EED: variants seen among roughly 807,000 people sequenced by gnomAD.
The protein encoded by EED is embryonic ectoderm development, also known as polycomb protein EED.
A neutral mutation model predicts 61.0 loss-of-function variants in EED; 9 were observed. The ratio of observed to expected loss-of-function variants is 0.15; its 90% CI spans 0.09 to 0.26. EED has a LOEUF of 0.26. Ranked by LOEUF, EED falls within the 10% of genes least tolerant of loss-of-function variation. The pLI, the probability that EED is intolerant of heterozygous loss-of-function variation, is 1.00. For missense variants in EED, 315 were observed against 542.3 expected, an observed-to-expected ratio of 0.58 and a Z score of 4.16; for synonymous variants, 187 against 174.4, an observed-to-expected ratio of 1.07 and a Z score of -0.57.
intron 6 of EED, among the ~76,000 whole-genome samples, chr11:86,262,710 C>T (rs1945864848): frequency 6.6e-6 from 1 of 151,756 alleles, no homozygotes; most frequent in African/African-American, 2.4e-5. Flanking sequence ...GGAGTTTCAC[C>T]ATGTTGCCCA....
chr11:86,246,046 G>A (rs988606256), intron 1 of EED, among the ~76,000 whole-genome samples: 2 of 152,232 alleles, frequency 1.3e-5, no homozygotes, highest in Non-Finnish European at 2.9e-5. Context: ...GGGCAACAGT[G>A]GTATAGGCAG....
chr11:86,274,047 C>G (rs1471589081), intron 9 of EED, among the ~76,000 whole-genome samples: 1 of 150,900 alleles, frequency 6.6e-6, no homozygotes, highest in East Asian at 1.9e-4. Flanking sequence ...CATTTTGGGA[C>G]TCTGATTATA....
At chr11:86,254,072 A>G (rs1403807514) in intron 3 of EED, among the ~76,000 whole-genome samples, 3 of 150,116 alleles carry the variant, frequency 2.0e-5, no homozygotes, top group East Asian at 1.9e-4. Flanking sequence ...AAAAAAAAAA[A>G]AAAGAAAATG....
At chr11:86,266,028 G>A (rs1593754292) in intron 7 of EED, 55 bp from the exon 8 acceptor site, 2 of 1,478,336 alleles carry the variant, frequency 1.4e-6, no homozygotes, top group Non-Finnish European at 1.8e-6. Context: ...GCAAAAATTG[G>A]ATAAATATAA....
intron 8 of EED, 149 bp from the exon 9 acceptor site, chr11:86,268,307 T>C (rs1348967594): frequency 9.9e-6 from 5 of 503,086 alleles, no homozygotes; most frequent in African/African-American, 4.0e-5. Flanking sequence ...TTTCAATAAA[T>C]AGATAAGGTG....
intron 9 of EED, chr11:86,276,112 A>C (rs192026519): frequency 6.6e-6 from 1 of 152,140 alleles, no homozygotes; most frequent in African/African-American, 2.4e-5. Context: ...TTTCCTGTGC[A>C]TTATAAGATA....
At chr11:86,253,937 A>G (rs1281690884) in intron 3 of EED, among the ~76,000 whole-genome samples, 3 of 150,390 alleles carry the variant, frequency 2.0e-5, no homozygotes, top group Non-Finnish European at 3.0e-5. Flanking sequence ...AATCTCAGCT[A>G]CACGGGAGGC....
At chr11:86,255,670 C>T (rs925156095) in intron 4 of EED, among the ~76,000 whole-genome samples, 4 of 151,560 alleles carry the variant, frequency 2.6e-5, no homozygotes, top group African/African-American at 9.7e-5. Context: ...ATGAACTTGG[C>T]TTGTGACTGG....
intron 7 of EED, chr11:86,264,515 G>A: frequency 3.1e-6 from 1 of 320,940 alleles, no homozygotes; most frequent in East Asian, 5.0e-5. Context: ...GTATGATCTT[G>A]CTCCTTTCCT....
Position 86,255,432 on chromosome 11 carries a change from A to G in EED, c.426+145A>G, listed in dbSNP as rs1254019128. The G allele has an allele frequency of 2.1e-5, 14 of 651,230 alleles. 1 individual carries two copies. Among genetic ancestry groups the G allele is most frequent in the East Asian group, 2.9e-5 (1 of 34,968 alleles). The allele number at this position is 651,230 out of a possible 1,614,324, so 40.3% of individuals were successfully genotyped here. On this transcript the variant is annotated intron_variant, in intron 4 of 11. Coordinates refer to ENST00000263360, the MANE Select transcript of EED (RefSeq NM_003797.5). ...TCACTATCACCCAAGAGAATCCTGT[A>G]TCTAGTTTTCCTGACCCTTAGAAAT... is the stretch of plus-strand genomic sequence containing the variant.
chr11:86,248,049 A>G (rs1456536096), intron 1 of EED, among the ~76,000 whole-genome samples: 1 of 152,220 alleles, frequency 6.6e-6, no homozygotes, highest in Non-Finnish European at 1.5e-5. Flanking sequence ...AAAAGCAAAG[A>G]TGCAGGGAAT....
rs988379800 is a variant in EED, at chr11:86,278,612, C to T, written c.*87C>T. The T allele has an allele frequency of 1.3e-6, 2 of 1,510,362 alleles. No homozygotes were observed. Among genetic ancestry groups the T allele is most frequent in the Non-Finnish European group, 1.8e-6 (2 of 1,119,074 alleles). The allele number at this position is 1,510,362 out of a possible 1,614,324, so 93.6% of individuals were successfully genotyped here. On this transcript the variant is annotated 3_prime_UTR_variant, in exon 12 of 12. Transcript: ENST00000263360. ...ATCTTGCTAGTAAGGGCACGTAGAG[C>T]ATTTAGAGTTGTCTTTCAGCATTCA...
At chr11:86,264,561 C>G in intron 7 of EED, 1 of 242,642 alleles carries the variant, frequency 4.1e-6, no homozygotes, top group Admixed American at 5.4e-5. Flanking sequence ...GTTTGTTTTG[C>G]CATTTCGCAG....
chr11:86,262,137 C>A (rs997025709), intron 6 of EED, among the ~76,000 whole-genome samples: 2 of 152,092 alleles, frequency 1.3e-5, no homozygotes, highest in African/African-American at 4.8e-5. Flanking sequence ...CCACCTCAGC[C>A]TTCGAAAGTG....
At chr11:86,282,115 T>TC (rs1946331067), downstream of EED, among the ~76,000 whole-genome samples, 1 of 152,200 alleles carries the variant, frequency 6.6e-6, no homozygotes, top group Non-Finnish European at 1.5e-5. Flanking sequence ...TCGAAGCACA[T>TC]CCCAGACTTT....
At chr11:86,283,853 GAAAAA>G in the EED span, 1 of 135,614 alleles carries the variant, frequency 7.4e-6, no homozygotes, top group Admixed American at 7.5e-5. Flanking sequence ...TGGAGATCCA[GAAAAA>G]AAAAAAAAAG....
intron 2 of EED, among the ~76,000 whole-genome samples, chr11:86,251,147 A>T (rs1048754232): frequency 2.6e-5 from 4 of 152,174 alleles, no homozygotes; most frequent in Non-Finnish European, 4.4e-5. Context: ...TTTTCTAAAT[A>T]TCCAAATATA....
intron 9 of EED, among the ~76,000 whole-genome samples, chr11:86,275,584 C>T (rs901803382): frequency 7.2e-5 from 11 of 152,294 alleles, no homozygotes; most frequent in Admixed American, 5.9e-4. Flanking sequence ...TTAGTTTTTC[C>T]ATCCAGGGAC....
chr11:86,246,149 C>T (rs563401085), intron 1 of EED, among the ~76,000 whole-genome samples: 12 of 152,162 alleles, frequency 7.9e-5, no homozygotes, highest in Non-Finnish European at 1.5e-4. Context: ...CGTAATCATT[C>T]GGTACCAACA....
Sources: allele counts gnomAD v4.1 joint callset (sites outside exome capture counted in the v4.1 genomes callset), GRCh38; gene constraint gnomAD v4.1.1; transcripts MANE v1.5; gene names NCBI Gene and HGNC (gene_info 2026-07-23, HGNC 2026-07-21).